Variants in TRIP11 observed in about 807,000 individuals in gnomAD.
TRIP11 encodes the protein thyroid receptor-interacting protein 11.
TRIP11 carries 148 observed loss-of-function variants against 223.1 expected under a neutral mutation model. That is an observed-to-expected ratio of 0.66 (90% CI 0.58 to 0.76). TRIP11 has a LOEUF of 0.76. Ranked by LOEUF, TRIP11 falls within the 30% of genes least tolerant of loss-of-function variation. The pLI, the probability that TRIP11 is intolerant of heterozygous loss-of-function variation, is 0.00. For synonymous variants in TRIP11, 762 were observed against 772.6 expected (o/e 0.99, Z 0.23); for missense variants, 2,043 against 2,222.0 (o/e 0.92, Z 1.62).
chr14:92,021,666 C>T lies in TRIP11; in HGVS notation c.478G>A (p.Asp160Asn), dbSNP rs771215521. Residue 160 changes from aspartate (D) to asparagine (N), a missense_variant, in exon 4 of 21, where the codon GAT becomes AAT. Asp to Asn is a conservative substitution (Grantham distance 23, BLOSUM62 1). Transcript: ENST00000267622. ...ATTATATCACCAAAGTCCATGTCAT[C>T]GTCATGGAAAGCTGAAGGATGATGA... Reference protein sequence around the residue: ...ISHHPSAFHDDDMDFGDIISS... With the variant: ...ISHHPSAFHDNDMDFGDIISS... 24 of 1,613,622 alleles carry T rather than the reference C, an allele frequency of 1.5e-5. No individual in the cohort carries two copies. In the African/African-American group the frequency reaches 2.1e-4, roughly 14 times the overall value.
chr14:91,975,422 T>C lies in TRIP11; in HGVS notation c.5343-136A>G, dbSNP rs74071680. ...AAAGTCTAAACAAAATATTTTAAAG[T>C]GTCTTTAAAAAATCTTGACAAGTCT... On this transcript the variant is annotated intron_variant, in intron 17 of 20. Coordinates refer to ENST00000267622, the MANE Select transcript of TRIP11 (RefSeq NM_004239.4). The C allele has an allele frequency of 0.017, 8,078 of 474,814 alleles. 402 individuals carry two copies. The highest frequency in any genetic ancestry group is 0.11 in the African/African-American group (5,562 of 48,868). The allele number at this position is 474,814 out of a possible 1,614,324, so 29.4% of individuals were successfully genotyped here.
At position 91,999,275 on chromosome 14, in the gene TRIP11, C is replaced by T. The variant is rs2056789944; in HGVS notation, c.4857G>A (p.Lys1619=). 1.2e-6 allele frequency: 2 copies of T among 1,613,698 alleles called. No homozygotes were observed. Among genetic ancestry groups the T allele is most frequent in the Non-Finnish European group, 1.7e-6 (2 of 1,179,860 alleles). ...CCATTGCATTAGAGGATGAAACTAG[C>T]TTTTCCTCCAATACTGTGACTTTCT... ...LRKKVTVLEE[K]LVSSSNAMEN... is the part of the protein sequence containing the mutation. Residue 1619 remains lysine, a synonymous_variant, in exon 13 of 21, where the codon AAG becomes AAA. Transcript: ENST00000267622.
Position 92,009,707 on chromosome 14 carries a change from C to T in TRIP11, c.1314+1279G>A, listed in dbSNP as rs1455097770. Among the ~76,000 whole-genome samples the T allele has an allele frequency of 2.0e-5, 3 of 152,138 alleles. No homozygotes were observed. The East Asian group carries it at 5.8e-4, about 29-fold the overall frequency. ...AACTAAGAATTTTCCTGCTTAAATGCCAATAGCAGTCCCTTTGAGAAACAC... is the reference window on the plus strand; with the variant it reads ...AACTAAGAATTTTCCTGCTTAAATGTCAATAGCAGTCCCTTTGAGAAACAC... On this transcript the variant is annotated intron_variant, in intron 9 of 20. Coordinates refer to ENST00000267622, the MANE Select transcript of TRIP11 (RefSeq NM_004239.4).
chr14:92,005,643 A>G lies in TRIP11; in HGVS notation c.2333T>C (p.Leu778Pro). Residue 778 changes from leucine to proline, a missense_variant, in exon 11 of 21, where the codon CTC becomes CCC. Coordinates refer to ENST00000267622, the MANE Select transcript of TRIP11 (RefSeq NM_004239.4). Reference sequence around the variant, plus strand: ...ATCCATTTGTTCAATATTCTTTTTGAGTTCTGCTATTTCCATGTCTTTCTT... The same window carrying G: ...ATCCATTTGTTCAATATTCTTTTTGGGTTCTGCTATTTCCATGTCTTTCTT... ...NQKKDMEIAE[L>P]KKNIEQMDTD... 6.2e-7 allele frequency: 1 copy of G among 1,613,784 alleles called. No homozygotes were observed.
At chr14:92,000,227 T>G in intron 11 of TRIP11, 119 bp from the exon 12 acceptor site, 1 of 1,486,126 alleles carries the variant, frequency 6.7e-7, no homozygotes, top group South Asian at 1.2e-5. Flanking sequence ...GCCTCCCGAT[T>G]TACTCTCTGA....
intron 4 of TRIP11, 145 bp downstream of exon 4, chr14:92,021,411 A>G (rs2057112980): frequency 1.3e-6 from 1 of 782,158 alleles, no homozygotes; most frequent in South Asian, 1.8e-5. Flanking sequence ...AAAAAGAAAG[A>G]AAGTCACTGA....
intron 15 of TRIP11, among the ~76,000 whole-genome samples, chr14:91,993,425 G>A (rs190313566): frequency 1.3e-4 from 18 of 140,790 alleles, no homozygotes; most frequent in African/African-American, 3.0e-4. Flanking sequence ...GCGGTGGGTC[G>A]AGATCACGCC....
At chr14:91,984,138 G>T (rs1220599367) in intron 16 of TRIP11, among the ~76,000 whole-genome samples, 1 of 151,778 alleles carries the variant, frequency 6.6e-6, no homozygotes, top group Non-Finnish European at 1.5e-5. Context: ...TCAGATACAG[G>T]TATAAACTAG....
At position 92,030,057 on chromosome 14, in the gene TRIP11, C is replaced by T. The variant is rs899128843; in HGVS notation, c.201+3135G>A. ...CTAAAAATACAAAATATTAGCCGGG[C>T]GTAGTGGCGGGCGCCTGTAGTCCCA... On this transcript the variant is annotated intron_variant, in intron 2 of 20. Coordinates refer to ENST00000267622, the MANE Select transcript of TRIP11 (RefSeq NM_004239.4). Among the ~76,000 whole-genome samples, 59 of 151,746 alleles carry T rather than the reference C, an allele frequency of 3.9e-4. No homozygotes were observed. The South Asian group carries it at 9.0e-3, about 23-fold the overall frequency.
At chr14:92,013,615 A>C (rs527409588) in intron 7 of TRIP11, among the ~76,000 whole-genome samples, 1 of 152,250 alleles carries the variant, frequency 6.6e-6, no homozygotes, top group African/African-American at 2.4e-5. Flanking sequence ...GGACTAAGGC[A>C]GTGGGTTTGT....
intron 16 of TRIP11, among the ~76,000 whole-genome samples, chr14:91,981,010 ATATTTTTTTTT>A (rs1230308515): frequency 1.3e-4 from 7 of 55,838 alleles, no homozygotes; most frequent in African/African-American, 4.7e-4. Context: ...ATATATATAT[ATATTTTTTTTT>A]TTTTTTTTTT....
intron 11 of TRIP11, 127 bp from the exon 12 acceptor site, chr14:92,000,235 T>C: frequency 6.9e-7 from 1 of 1,449,786 alleles, no homozygotes. Flanking sequence ...ATTTACTCTC[T>C]GAGTAGGCTC....
At position 91,966,798 on chromosome 14, in the gene TRIP11, A is replaced by C; in HGVS notation, c.*2875T>G. On this transcript the variant is annotated 3_prime_UTR_variant, in exon 21 of 21. Coordinates refer to ENST00000267622, the MANE Select transcript of TRIP11 (RefSeq NM_004239.4). ...AGATGAATTTTCTACTACAGTATAG[A>C]GGTTGAAAACCATTAGGAATGTGGT... is the stretch of plus-strand genomic sequence containing the variant. The C allele has an allele frequency of 4.6e-6, 1 of 216,988 alleles. No individual in the cohort carries two copies. Among genetic ancestry groups the C allele is most frequent in the Non-Finnish European group, 9.3e-6 (1 of 107,876 alleles). The allele number at this position is 216,988 out of a possible 1,614,324, so 13.4% of individuals were successfully genotyped here.
At position 92,021,720 on chromosome 14, in the gene TRIP11, C is replaced by T; in HGVS notation, c.424G>A (p.Ala142Thr). The T allele has an allele frequency of 6.2e-7, 1 of 1,614,158 alleles. No individual in the cohort carries two copies. Among genetic ancestry groups the T allele is most frequent in the Non-Finnish European group, 8.5e-7 (1 of 1,180,034 alleles). ...ATCCCATAAGCGAATGAAGATGATG[C>T]AGTGGTTGCTGGTACACCAGCTCCT... is the stretch of plus-strand genomic sequence containing the variant. ...PSGAGVPATTASSSFAYGISH... is the reference protein window; with the variant it reads ...PSGAGVPATTTSSSFAYGISH... The change falls in exon 4 of 21, where the codon GCA becomes ACA. Residue 142 changes from alanine (A) to threonine (T), a missense_variant. By Grantham distance (58) the Ala-to-Thr change is moderately conservative. Transcript: ENST00000267622.
chr14:91,976,038 T>C (rs2056459791), intron 17 of TRIP11, 70 bp downstream of exon 17: 1 of 1,442,484 alleles, frequency 6.9e-7, no homozygotes, highest in African/African-American at 1.4e-5. Flanking sequence ...ACATCTACAT[T>C]TAGAAGTTTT....
intron 11 of TRIP11, among the ~76,000 whole-genome samples, chr14:92,001,213 A>C (rs1279195838): frequency 6.6e-6 from 1 of 152,108 alleles, no homozygotes; most frequent in Non-Finnish European, 1.5e-5. Context: ...GAACCTATTT[A>C]CAGTTTAGTA....
intron 3 of TRIP11, among the ~76,000 whole-genome samples, chr14:92,024,519 T>C (rs1432483865): frequency 6.6e-6 from 1 of 152,226 alleles, no homozygotes; most frequent in East Asian, 1.9e-4. Context: ...AAAACCTATG[T>C]ATATCTTTAA....
chr14:92,015,130 C>T (rs979434895), intron 6 of TRIP11, among the ~76,000 whole-genome samples: 3 of 152,002 alleles, frequency 2.0e-5, no homozygotes, highest in African/African-American at 7.2e-5. Context: ...TCTCAAACTC[C>T]TGGCCTCAAG....
chr14:91,993,400 C>T (rs545299589), intron 15 of TRIP11, among the ~76,000 whole-genome samples: 44 of 145,800 alleles, frequency 3.0e-4, no homozygotes, highest in Admixed American at 4.9e-4. Context: ...TGCTTGAACC[C>T]GGAAGGCAGA....
Sources: gnomAD v4.1 joint callset for allele counts (sites outside exome capture counted in the v4.1 genomes callset) on GRCh38, gnomAD v4.1.1 for gene constraint, MANE v1.5 for transcripts, NCBI Gene and HGNC (gene_info 2026-07-23, HGNC 2026-07-21) for gene names.